The following WASF2 variants were observed in gnomAD, a reference collection of about 807,000 sequenced individuals.
The protein encoded by WASF2 is actin-binding protein WASF2.
WASF2 carries 14 observed loss-of-function variants against 45.0 expected under a neutral mutation model. The ratio of observed to expected loss-of-function variants is 0.31; its 90% confidence interval spans 0.21 to 0.49. The LOEUF is 0.49. Ranked by LOEUF, WASF2 falls within the 20% of genes least tolerant of loss-of-function variation. The pLI, the probability that WASF2 is intolerant of heterozygous loss-of-function variation, is 0.99. For missense variants in WASF2, 439 were observed against 636.1 expected, an observed-to-expected ratio of 0.69 and a Z score of 3.33; for synonymous variants, 200 against 236.3, an observed-to-expected ratio of 0.85 and a Z score of 1.41.
At chr1:27,457,797 AT>A (rs1223252201) in intron 1 of WASF2, among the ~76,000 whole-genome samples, 1 of 151,834 alleles carries the variant, frequency 6.6e-6, no homozygotes, top group Admixed American at 6.6e-5. Flanking sequence ...ATTTTTAAAA[AT>A]TTTTGTAGAA....
At chr1:27,439,924 C>T (rs950885300) in intron 1 of WASF2, among the ~76,000 whole-genome samples, 25 of 152,086 alleles carry the variant, frequency 1.6e-4, no homozygotes, top group African/African-American at 4.1e-4. Context: ...CACTTTAACG[C>T]GGGACGTTGA....
intron 3 of WASF2, 115 bp from the exon 4 acceptor site, chr1:27,418,537 G>T (rs1382492431): frequency 1.4e-6 from 2 of 1,433,528 alleles, no homozygotes; most frequent in Non-Finnish European, 9.5e-7. Flanking sequence ...GCTGTCCGCA[G>T]CCAGGCTTTT....
chr1:27,423,197 A>ATT (rs796167070), intron 2 of WASF2, among the ~76,000 whole-genome samples: 6 of 147,062 alleles, frequency 4.1e-5, no homozygotes, highest in African/African-American at 1.5e-4. Context: ...TGATTTTCAA[A>ATT]TTTTTTTTTT....
intron 1 of WASF2, among the ~76,000 whole-genome samples, chr1:27,462,429 T>C (rs932984249): frequency 6.6e-6 from 1 of 152,154 alleles, no homozygotes; most frequent in African/African-American, 2.4e-5. Context: ...TAATGTAAAG[T>C]TCGTATCTTT....
At chr1:27,436,397 C>T (rs889804629) in intron 1 of WASF2, among the ~76,000 whole-genome samples, 1 of 151,986 alleles carries the variant, frequency 6.6e-6, no homozygotes, top group Non-Finnish European at 1.5e-5. Context: ...CAGAGAGCTA[C>T]GATCACACCA....
Position 27,407,885 on chromosome 1 carries a change from C to T in WASF2, c.*304G>A, listed in dbSNP as rs2016701177. ...GGAAGCCCCATCTCCAACAGAAACC[C>T]GATCAAAGGAATCTGCTTTGGGATT... On this transcript the variant is annotated 3_prime_UTR_variant, in exon 9 of 9. Coordinates refer to ENST00000618852, the MANE Select transcript of WASF2 (RefSeq NM_006990.5). The T allele has an allele frequency of 3.7e-6, 1 of 271,712 alleles. No individual in the cohort carries two copies. 16.8% of individuals were successfully genotyped at this position (271,712 alleles called of 1,614,324 possible).
At chr1:27,425,582 T>G (rs916182597) in intron 2 of WASF2, among the ~76,000 whole-genome samples, 1 of 152,202 alleles carries the variant, frequency 6.6e-6, no homozygotes, top group Non-Finnish European at 1.5e-5. Flanking sequence ...CTCACGCTTG[T>G]AATCCCGGCA....
intron 4 of WASF2, among the ~76,000 whole-genome samples, chr1:27,416,949 G>T (rs745643151): frequency 2.0e-5 from 3 of 152,064 alleles, no homozygotes; most frequent in Non-Finnish European, 4.4e-5. Flanking sequence ...GAACTAAAAA[G>T]AACTGGAAAG....
At chr1:27,457,499 C>G (rs2017485295) in intron 1 of WASF2, among the ~76,000 whole-genome samples, 1 of 151,806 alleles carries the variant, frequency 6.6e-6, no homozygotes, top group Non-Finnish European at 1.5e-5. Flanking sequence ...ATCACTTGGG[C>G]CCAGGAGGTG....
chr1:27,443,117 T>C (rs1037069409), intron 1 of WASF2, among the ~76,000 whole-genome samples: 7 of 150,122 alleles, frequency 4.7e-5, no homozygotes, highest in African/African-American at 1.7e-4. Context: ...TAGGCTGTGA[T>C]TGTGCCACTG....
intron 1 of WASF2, among the ~76,000 whole-genome samples, chr1:27,437,670 T>C (rs1301169072): frequency 1.3e-5 from 2 of 152,212 alleles, no homozygotes; most frequent in Non-Finnish European, 2.9e-5. Context: ...ACCAAAATTG[T>C]ATGGTTTGAA....
At chr1:27,440,725 G>A (rs1317560180) in intron 1 of WASF2, among the ~76,000 whole-genome samples, 1 of 151,864 alleles carries the variant, frequency 6.6e-6, no homozygotes, top group African/African-American at 2.4e-5. Flanking sequence ...TGGACACGGT[G>A]GTCTTTAAAA....
Position 27,414,076 on chromosome 1 carries a change from C to G in WASF2, c.668+757G>C. Among the ~76,000 whole-genome samples the G allele has an allele frequency of 6.6e-6, 1 of 152,210 alleles. No individual in the cohort carries two copies. The highest frequency in any genetic ancestry group is 1.9e-4 in the East Asian group (1 of 5,204). On this transcript the variant is annotated intron_variant, in intron 6 of 8. Coordinates refer to ENST00000618852, the MANE Select transcript of WASF2 (RefSeq NM_006990.5). The surrounding 1 kb of genome is among the most constrained non-coding windows in gnomAD (Gnocchi z 4.1). ...ACACCCAGCATGGGCTGGCATGGTT[C>G]TCTGACAGCCATGATGCAGTGTATT...
At chr1:27,461,586 C>G (rs1234564630) in intron 1 of WASF2, among the ~76,000 whole-genome samples, 1 of 151,994 alleles carries the variant, frequency 6.6e-6, no homozygotes, top group Non-Finnish European at 1.5e-5. Flanking sequence ...CCTCAGCCTC[C>G]CGAGCAGCTG....
At chr1:27,474,771 CA>C (rs1054445342) in intron 1 of WASF2, among the ~76,000 whole-genome samples, 17 of 143,642 alleles carry the variant, frequency 1.2e-4, no homozygotes, top group African/African-American at 2.8e-4. Context: ...GACTCTGCCT[CA>C]AAAAAAAAAT....
At chr1:27,421,364 A>G (rs2016905981) in intron 2 of WASF2, among the ~76,000 whole-genome samples, 1 of 152,194 alleles carries the variant, frequency 6.6e-6, no homozygotes. Context: ...AAAACAAACC[A>G]AGCTCAAAAA....
intron 4 of WASF2, among the ~76,000 whole-genome samples, chr1:27,417,276 C>G (rs1359214402): frequency 1.3e-5 from 2 of 152,196 alleles, no homozygotes; most frequent in African/African-American, 4.8e-5. Context: ...TCTGCCCAAA[C>G]CCAACTAGAC....
At position 27,428,848 on chromosome 1, in the gene WASF2, G is replaced by C; in HGVS notation, c.43C>G (p.Arg15Gly). 1 of 1,614,140 alleles carries C rather than the reference G, an allele frequency of 6.2e-7. No individual in the cohort carries two copies. The highest frequency in any genetic ancestry group is 8.5e-7 in the Non-Finnish European group (1 of 1,180,036). The change falls in exon 2 of 9, where the codon CGT (arginine) becomes GGT (glycine). Residue 15 changes from arginine (R) to glycine (G), a missense_variant. Arg to Gly is a moderately radical substitution (Grantham distance 125). Transcript: ENST00000618852. Reference protein sequence around the residue: ...TRNIEPRHLCRQTLPSVRSEL... With the variant: ...TRNIEPRHLCGQTLPSVRSEL... ...CTTCTAACGCTAGGCAACGTCTGAC[G>C]GCACAGGTGCCTTGGCTCGATGTTC...
At chr1:27,438,613 T>C (rs1425560826) in intron 1 of WASF2, among the ~76,000 whole-genome samples, 1 of 152,136 alleles carries the variant, frequency 6.6e-6, no homozygotes, top group South Asian at 2.1e-4. Context: ...TTCAGCAAAA[T>C]GTTTTGTTGA....
Sources: gnomAD v4.1 joint callset for allele counts (sites outside exome capture counted in the v4.1 genomes callset) on GRCh38, gnomAD v4.1.1 for gene constraint, Gnocchi (gnomAD v3.1) non-coding constraint, MANE v1.5 for transcripts, NCBI Gene and HGNC (gene_info 2026-07-23, HGNC 2026-07-21) for gene names.